The following PLA2G4A variants were observed in gnomAD, a reference collection of about 807,000 sequenced individuals.
The protein encoded by PLA2G4A is cytosolic phospholipase A2.
PLA2G4A carries 40 observed loss-of-function variants against 81.9 expected under a neutral mutation model. The observed-to-expected ratio is 0.49, with a 90% CI of 0.38 to 0.64. The LOEUF (loss-of-function observed/expected upper bound fraction) is 0.64, where lower values mean the gene tolerates loss of function less well. Ranked by LOEUF, PLA2G4A falls within the 30% of genes least tolerant of loss-of-function variation. The pLI, the probability that PLA2G4A is intolerant of heterozygous loss-of-function variation, is 0.00. For synonymous variants in PLA2G4A, 302 were observed against 296.9 expected, an observed-to-expected ratio of 1.02 and a Z score of -0.18; for missense variants, 715 against 905.1, an observed-to-expected ratio of 0.79 and a Z score of 2.69.
Position 186,965,700 on chromosome 1 carries a change from C to T in PLA2G4A, c.1764+107C>T, listed in dbSNP as rs1466058848. The T allele has an allele frequency of 3.6e-6, 3 of 834,944 alleles. No individual in the cohort carries two copies. The Admixed American group carries it at 5.2e-5, about 15-fold the overall frequency. 51.7% of individuals were successfully genotyped at this position (834,944 alleles called of 1,614,324 possible). A position where few individuals can be genotyped will look rare whatever the true frequency, so the allele number is the denominator to read the frequency against. On this transcript the variant is annotated intron_variant, in intron 15 of 17. Transcript: ENST00000367466. ...GTTTCTTATTCCTTTAATGTATTTT[C>T]TACATCTTTATGAGTAATAGTTCTA...
chr1:186,899,752 A>G (rs10911953), intron 5 of PLA2G4A, among the ~76,000 whole-genome samples: 39,417 of 152,036 alleles, frequency 0.26, 5,583 homozygotes, highest in Admixed American at 0.4. Context: ...AGCAATGTTA[A>G]CAGGTAGAGA....
intron 3 of PLA2G4A, among the ~76,000 whole-genome samples, chr1:186,883,604 G>C (rs1046711378): frequency 7.2e-5 from 11 of 152,076 alleles, no homozygotes; most frequent in African/African-American, 2.7e-4. Context: ...GATTTGTAAG[G>C]GACACAAGAA....
At chr1:186,982,789 A>G (rs1243085054) in intron 17 of PLA2G4A, among the ~76,000 whole-genome samples, 1 of 152,114 alleles carries the variant, frequency 6.6e-6, no homozygotes, top group Non-Finnish European at 1.5e-5. Flanking sequence ...AAGAAAACAC[A>G]TTTTTGGGGC....
chr1:186,871,296 G>C (rs1176819800), intron 3 of PLA2G4A, among the ~76,000 whole-genome samples: 1 of 152,104 alleles, frequency 6.6e-6, no homozygotes, highest in Non-Finnish European at 1.5e-5. Context: ...TAAATCATTG[G>C]AATTCGTGCA....
intron 3 of PLA2G4A, among the ~76,000 whole-genome samples, chr1:186,883,375 A>G (rs905940221): frequency 6.6e-6 from 1 of 152,134 alleles, no homozygotes; most frequent in Admixed American, 6.6e-5. Flanking sequence ...GAAGGAATGC[A>G]TTGTAGCTGC....
At chr1:186,841,370 A>G (rs1255878531) in intron 1 of PLA2G4A, among the ~76,000 whole-genome samples, 2 of 152,192 alleles carry the variant, frequency 1.3e-5, no homozygotes, top group Admixed American at 6.5e-5. Flanking sequence ...TAGCCAAACT[A>G]AAATTATATA....
chr1:186,873,952 C>T (rs1653377771), intron 3 of PLA2G4A, among the ~76,000 whole-genome samples: 2 of 152,084 alleles, frequency 1.3e-5, no homozygotes, highest in African/African-American at 4.8e-5. Context: ...CTTATGTTTA[C>T]AGTTCATAGG....
intron 14 of PLA2G4A, among the ~76,000 whole-genome samples, chr1:186,964,426 T>A (rs1657062014): frequency 6.6e-6 from 1 of 152,188 alleles, no homozygotes; most frequent in African/African-American, 2.4e-5. Flanking sequence ...CCATCTCATC[T>A]GTTCTCCTCC....
rs570987703 is a variant in PLA2G4A at position 186,876,907 on chromosome 1, C to T, written c.115+6391C>T. On this transcript the variant is annotated intron_variant, in intron 3 of 17. Coordinates refer to ENST00000367466, the MANE Select transcript of PLA2G4A (RefSeq NM_024420.3). ...CAATGTTGCAGCCTCAGTCCTCTCA[C>T]CTGTAGGGCGACCTGCTTAATCCTC... 2.6e-5 allele frequency among the ~76,000 whole-genome samples: 4 copies of T among 152,194 alleles called. No homozygotes were observed. In the East Asian group the frequency reaches 5.8e-4, roughly 22 times the overall value.
chr1:186,946,634 C>T lies in PLA2G4A; in HGVS notation c.1034-3C>T. The T allele has an allele frequency of 6.2e-7, 1 of 1,604,840 alleles. No individual in the cohort carries two copies. Among genetic ancestry groups the T allele is most frequent in the African/African-American group, 1.3e-5 (1 of 74,824 alleles). On this transcript the variant is annotated splice_polypyrimidine_tract_variant and splice_region_variant and intron_variant, in intron 10 of 17. Transcript: ENST00000367466. ...GATTGCCTTGTTTTTAAAATACTTT[C>T]AGATTGGGTTGAATTTAGTCCATAC...
rs12720629 is a variant in PLA2G4A at position 186,947,499 on chromosome 1, C to T, written c.1264+538C>T. ...TAACCTATTGGCCTATAATAAATTA[C>T]GAATATTTACAAAACCTGAGAAAGT... is the stretch of plus-strand genomic sequence containing the variant. On this transcript the variant is annotated intron_variant, in intron 12 of 17. Coordinates refer to ENST00000367466, the MANE Select transcript of PLA2G4A (RefSeq NM_024420.3). Among the ~76,000 whole-genome samples, 1,283 of 152,202 alleles carry T rather than the reference C, an allele frequency of 8.4e-3. 11 individuals are homozygous for T. The highest frequency in any genetic ancestry group is 0.011 in the Non-Finnish European group (779 of 67,998).
intron 7 of PLA2G4A, among the ~76,000 whole-genome samples, chr1:186,918,144 T>C (rs558978150): frequency 6.6e-6 from 1 of 152,176 alleles, no homozygotes; most frequent in African/African-American, 2.4e-5. Flanking sequence ...GGTCAGGTGT[T>C]TGAGGGAGTA....
chr1:186,968,714 C>G (rs1198866525), intron 15 of PLA2G4A, among the ~76,000 whole-genome samples: 1 of 151,706 alleles, frequency 6.6e-6, no homozygotes, highest in Non-Finnish European at 1.5e-5. Flanking sequence ...GCACATGAAT[C>G]TTTAATCACA....
At chr1:186,878,802 C>A (rs1421915176) in intron 3 of PLA2G4A, among the ~76,000 whole-genome samples, 2 of 151,594 alleles carry the variant, frequency 1.3e-5, no homozygotes, top group Non-Finnish European at 2.9e-5. Context: ...TATGATATTT[C>A]AATAATGTCA....
intron 15 of PLA2G4A, among the ~76,000 whole-genome samples, chr1:186,970,242 C>T (rs895599476): frequency 5.9e-5 from 9 of 151,836 alleles, no homozygotes; most frequent in Non-Finnish European, 1.3e-4. Context: ...ATCTTTTGCC[C>T]GTTTAAAAAT....
intron 15 of PLA2G4A, 44 bp downstream of exon 15, chr1:186,965,637 T>C (rs966334419): frequency 1.5e-6 from 2 of 1,350,718 alleles, no homozygotes; most frequent in Non-Finnish European, 2.1e-6. Flanking sequence ...CCACATTCTC[T>C]TGCTTGCCTT....
rs202211022 is a variant in PLA2G4A, at chr1:186,975,711, T to C, written c.1765-1882T>C. On this transcript the variant is annotated intron_variant, in intron 15 of 17. Transcript: ENST00000367466. Reference sequence around the variant, plus strand: ...CTGTGTTTGTTCGTTCCTCATTATCTCTGCGTTGCCTGTAGGGGAGTATCA... The same window carrying C: ...CTGTGTTTGTTCGTTCCTCATTATCCCTGCGTTGCCTGTAGGGGAGTATCA... 2.6e-5 allele frequency among the ~76,000 whole-genome samples: 4 copies of C among 152,214 alleles called. No individual in the cohort carries two copies. In the East Asian group the frequency reaches 7.7e-4, roughly 29 times the overall value.
chr1:186,983,784 G>A (rs933682380), intron 17 of PLA2G4A, among the ~76,000 whole-genome samples: 19 of 152,034 alleles, frequency 1.2e-4, no homozygotes, highest in African/African-American at 4.6e-4. Context: ...CAGAGGCATT[G>A]GAGTCTGACC....
At chr1:186,930,701 T>C (rs1158860104) in intron 7 of PLA2G4A, among the ~76,000 whole-genome samples, 2 of 152,188 alleles carry the variant, frequency 1.3e-5, no homozygotes, top group Non-Finnish European at 2.9e-5. Flanking sequence ...AATGCCCCCA[T>C]ATAATTTTTG....
Sources: allele counts gnomAD v4.1 joint callset (sites outside exome capture counted in the v4.1 genomes callset), GRCh38; gene constraint gnomAD v4.1.1; transcripts MANE v1.5; gene names NCBI Gene and HGNC (gene_info 2026-07-23, HGNC 2026-07-21).